Variants in KANK1 observed in about 807,000 individuals in gnomAD.
KANK1 encodes the protein KN motif and ankyrin repeat domains 1, also known as KN motif and ankyrin repeat domain-containing protein 1.
KANK1 carries 109 observed loss-of-function variants against 106.2 expected under a neutral mutation model. That is an observed-to-expected ratio of 1.03 (90% CI 0.88 to 1.20). The LOEUF is 1.20. KANK1 is among the 50% of genes most tolerant of loss of function. The probability of loss-of-function intolerance (pLI) is 0.00; values close to 1 mark genes in which losing one functional copy is unlikely to be tolerated. For synonymous variants in KANK1, 873 were observed against 652.2 expected, an observed-to-expected ratio of 1.34 and a Z score of -5.16; for missense variants, 2,399 against 1,710.7, an observed-to-expected ratio of 1.40 and a Z score of -7.10.
chr9:482,983 C>T (rs1247155322), intron 3 of KANK1, among the ~76,000 whole-genome samples: 3 of 152,190 alleles, frequency 2.0e-5, no homozygotes, highest in African/African-American at 7.2e-5. Flanking sequence ...GCCTGTTAAT[C>T]ACTTAGTAGA....
At chr9:658,500 A>G (rs1352629458) in intron 1 of KANK1, among the ~76,000 whole-genome samples, 1 of 152,100 alleles carries the variant, frequency 6.6e-6, no homozygotes, top group African/African-American at 2.4e-5. Flanking sequence ...TTTGATGAAG[A>G]CCGCATTGTC....
chr9:616,068 C>A (rs1831752094), intron 1 of KANK1, among the ~76,000 whole-genome samples: 1 of 152,152 alleles, frequency 6.6e-6, no homozygotes. Flanking sequence ...GTGTCACCTC[C>A]CCACCCAGCA....
chr9:686,361 C>T (rs920333836), intron 2 of KANK1, among the ~76,000 whole-genome samples: 16 of 152,184 alleles, frequency 1.1e-4, no homozygotes, highest in South Asian at 2.1e-4. Context: ...AGGACAAAGA[C>T]TGGTTTGTCT....
At chr9:525,688 C>A (rs1168633569) in intron 1 of KANK1, among the ~76,000 whole-genome samples, 1 of 151,492 alleles carries the variant, frequency 6.6e-6, no homozygotes, top group African/African-American at 2.4e-5. Flanking sequence ...TTTGAGCTGG[C>A]CAGATTTGTC....
Position 710,802 on chromosome 9 carries a change from A to G in KANK1, c.38-2A>G. ...TATAATATTCTTTTCTCCCTCTTCT[A>G]GGAAAAGCAGGTGATATTCTCAGTG... is the stretch of plus-strand genomic sequence containing the variant. On this transcript the variant is annotated splice_acceptor_variant, in intron 2 of 11. Coordinates refer to ENST00000382297, the MANE Select transcript of KANK1 (RefSeq NM_015158.5). LOFTEE classifies it high-confidence loss of function. 1 of 1,571,162 alleles carries G rather than the reference A, an allele frequency of 6.4e-7. No homozygotes were observed. The highest frequency in any genetic ancestry group is 1.7e-4 in the Middle Eastern group (1 of 5,824).
intron 1 of KANK1, among the ~76,000 whole-genome samples, chr9:589,863 A>C (rs751923014): frequency 2.8e-4 from 43 of 152,222 alleles, no homozygotes; most frequent in Non-Finnish European, 4.3e-4. Flanking sequence ...TGCCTGCCAG[A>C]GACCTCTGCA....
intron 8 of KANK1, among the ~76,000 whole-genome samples, chr9:739,454 C>G (rs1020207847): frequency 1.3e-5 from 2 of 152,174 alleles, no homozygotes; most frequent in Admixed American, 6.5e-5. Flanking sequence ...CAGATTTATC[C>G]TTCCTTTCTC....
intron 2 of KANK1, among the ~76,000 whole-genome samples, chr9:688,767 G>T (rs1819164873): frequency 1.3e-5 from 2 of 152,126 alleles, no homozygotes; most frequent in South Asian, 4.1e-4. Context: ...GCTTTTTGTG[G>T]CATGTTAGCA....
At chr9:617,364 AG>A (rs1171795004) in intron 1 of KANK1, among the ~76,000 whole-genome samples, 8 of 152,030 alleles carry the variant, frequency 5.3e-5, no homozygotes, top group Admixed American at 4.6e-4. Context: ...ATTGGGGAGG[AG>A]GGGGGTTGTG....
At chr9:602,015 C>T (rs944983916) in intron 1 of KANK1, among the ~76,000 whole-genome samples, 3 of 151,852 alleles carry the variant, frequency 2.0e-5, no homozygotes, top group Non-Finnish European at 2.9e-5. Context: ...TCGTTTTTAA[C>T]ACTTCTAGGT....
chr9:649,327 C>T (rs1398155930), intron 1 of KANK1, among the ~76,000 whole-genome samples: 2 of 152,152 alleles, frequency 1.3e-5, no homozygotes, highest in Non-Finnish European at 2.9e-5. Context: ...ATCTACTTAA[C>T]ATTTTAACAC....
At chr9:646,290 A>T (rs1192004980) in intron 1 of KANK1, among the ~76,000 whole-genome samples, 1 of 150,908 alleles carries the variant, frequency 6.6e-6, no homozygotes, top group Non-Finnish European at 1.5e-5. Context: ...TGAGGCCAGG[A>T]GTTCAAGACC....
At chr9:529,041 C>T (rs2059935718) in intron 1 of KANK1, among the ~76,000 whole-genome samples, 1 of 152,186 alleles carries the variant, frequency 6.6e-6, no homozygotes, top group East Asian at 1.9e-4. Flanking sequence ...TCAAGTGATC[C>T]TCCTGCCTTG....
At position 718,953 on chromosome 9, in the gene KANK1, CTTTTTTTTTTTTTTTT is replaced by C. The variant is rs35097931; in HGVS notation, c.2698+5498_2698+5513del. 2.2e-4 allele frequency among the ~76,000 whole-genome samples: 17 copies of C among 78,318 alleles called. 1 individual carries two copies. Among genetic ancestry groups the C allele is most frequent in the South Asian group, 1.7e-3 (3 of 1,812 alleles). The allele number at this position is 78,318 out of a possible 152,430, so 51.4% of individuals were successfully genotyped here. A position where few individuals can be genotyped will look rare whatever the true frequency, so the allele number is the denominator to read the frequency against. On this transcript the variant is annotated intron_variant, in intron 3 of 11. Transcript: ENST00000382297. ...TAAAGAGTGAATTCATGCTCGAGCCCTTTTTTTTTTTTTTTTTTTTTTTTGAGACACAGTCACACTC... is the reference window on the plus strand; with the variant it reads ...TAAAGAGTGAATTCATGCTCGAGCCCTTTTTTTTGAGACACAGTCACACTC...
At chr9:633,236 C>T (rs1836215531) in intron 1 of KANK1, among the ~76,000 whole-genome samples, 1 of 152,034 alleles carries the variant, frequency 6.6e-6, no homozygotes, top group Non-Finnish European at 1.5e-5. Flanking sequence ...GCGGGCAGAT[C>T]AGAAGGTCAG....
chr9:713,528 A>C, intron 3 of KANK1, 64 bp downstream of exon 3: 1 of 1,496,774 alleles, frequency 6.7e-7, no homozygotes, highest in Non-Finnish European at 8.9e-7. Context: ...TCCAGAAGCT[A>C]AGGATTATTT....
intron 1 of KANK1, among the ~76,000 whole-genome samples, chr9:517,254 C>T (rs2059323901): frequency 6.6e-6 from 1 of 151,674 alleles, no homozygotes; most frequent in Admixed American, 6.6e-5. Context: ...CAGGCATGCA[C>T]CACCATGCCT....
At chr9:476,241 C>T (rs181245646) in intron 3 of KANK1, among the ~76,000 whole-genome samples, 5 of 152,068 alleles carry the variant, frequency 3.3e-5, no homozygotes, top group African/African-American at 1.2e-4. Flanking sequence ...AGGTGTTAGG[C>T]CGGGCGTGGT....
chr9:638,248 T>G (rs1485732245), intron 1 of KANK1, among the ~76,000 whole-genome samples: 1 of 152,222 alleles, frequency 6.6e-6, no homozygotes, highest in Non-Finnish European at 1.5e-5. Flanking sequence ...AATTTATTTC[T>G]TATAGCTATG....
Sources: allele counts gnomAD v4.1 joint callset (sites outside exome capture counted in the v4.1 genomes callset), GRCh38; gene constraint gnomAD v4.1.1; transcripts MANE v1.5; gene names NCBI Gene and HGNC (gene_info 2026-07-23, HGNC 2026-07-21).